TBC1D19: variants seen among roughly 807,000 people sequenced by gnomAD.
TBC1D19 encodes the protein TBC1 domain family, member 19.
Under a neutral mutation model 89.0 loss-of-function variants are expected in TBC1D19, and 60 were observed. The observed-to-expected ratio is 0.67, with a 90% CI of 0.55 to 0.84. TBC1D19 has a LOEUF of 0.84. Ranked by LOEUF, TBC1D19 falls within the 40% of genes least tolerant of loss-of-function variation. TBC1D19 has a pLI of 0.00. For missense variants in TBC1D19, 500 were observed against 610.8 expected, an observed-to-expected ratio of 0.82 and a Z score of 1.91; for synonymous variants, 189 against 199.7, an observed-to-expected ratio of 0.95 and a Z score of 0.45.
At chr4:26,740,561 A>C (rs1718300392) in intron 17 of TBC1D19, 21 of 743,426 alleles carry the variant, frequency 2.8e-5, no homozygotes, top group Non-Finnish European at 3.4e-5. Flanking sequence ...AGAATCAAGG[A>C]AAAGCATATA....
chr4:26,588,247 G>A (rs1739544684), intron 1 of TBC1D19, among the ~76,000 whole-genome samples: 1 of 151,886 alleles, frequency 6.6e-6, no homozygotes, highest in African/African-American at 2.4e-5. Context: ...GGATGGTCTC[G>A]ATCTCCTGAC....
intron 1 of TBC1D19, among the ~76,000 whole-genome samples, 174 bp downstream of exon 1, chr4:26,584,466 CA>C (rs1321957187): frequency 6.6e-6 from 1 of 151,828 alleles, no homozygotes; most frequent in Non-Finnish European, 1.5e-5. Context: ...CAAAACAAAA[CA>C]AAAAAACCCC....
chr4:26,712,650 G>A (rs1404050667), intron 13 of TBC1D19, among the ~76,000 whole-genome samples: 2 of 151,986 alleles, frequency 1.3e-5, no homozygotes, highest in Admixed American at 6.6e-5. Flanking sequence ...AAGAAAAGAG[G>A]CTTATTTGGC....
the TBC1D19 span, among the ~76,000 whole-genome samples, chr4:26,776,712 A>G: frequency 1.3e-5 from 2 of 152,200 alleles, no homozygotes; most frequent in African/African-American, 2.4e-5. Context: ...TTTTCTTGAA[A>G]GTAAGTTTAG....
At chr4:26,683,599 T>C in intron 11 of TBC1D19, 76 bp from the exon 12 acceptor site, 2 of 1,165,684 alleles carry the variant, frequency 1.7e-6, no homozygotes, top group Non-Finnish European at 2.5e-6. Flanking sequence ...TTTAGAATAC[T>C]ATTATTATTT....
At chr4:26,604,939 T>C (rs1462565881) in intron 1 of TBC1D19, among the ~76,000 whole-genome samples, 1 of 152,006 alleles carries the variant, frequency 6.6e-6, no homozygotes, top group Non-Finnish European at 1.5e-5. Flanking sequence ...TGTGCAAATA[T>C]CTGAGTGTCT....
At chr4:26,588,327 G>A (rs1391826237) in intron 1 of TBC1D19, among the ~76,000 whole-genome samples, 1 of 152,060 alleles carries the variant, frequency 6.6e-6, no homozygotes, top group Non-Finnish European at 1.5e-5. Context: ...ACCTGGCCAT[G>A]TGTTCTTTTT....
chr4:26,597,655 C>T (rs527888234), intron 1 of TBC1D19, among the ~76,000 whole-genome samples: 4 of 151,512 alleles, frequency 2.6e-5, no homozygotes, highest in Non-Finnish European at 4.4e-5. Context: ...TGAGCCACTG[C>T]GCCTGGCCTT....
intron 4 of TBC1D19, among the ~76,000 whole-genome samples, chr4:26,629,100 G>C (rs1742625084): frequency 6.6e-6 from 1 of 151,768 alleles, no homozygotes; most frequent in Admixed American, 6.6e-5. Flanking sequence ...AATCATACTT[G>C]ACCTCTTCCA....
In TBC1D19 at chr4:26,687,885, G is replaced by T. The variant is rs185087597; in HGVS notation, c.892-460G>T. 2.8e-3 allele frequency among the ~76,000 whole-genome samples: 419 copies of T among 152,228 alleles called. 2 individuals carry two copies. Among genetic ancestry groups the T allele is most frequent in the African/African-American group, 9.8e-3 (406 of 41,560 alleles). On this transcript the variant is annotated intron_variant, in intron 12 of 20. Coordinates refer to ENST00000264866, the MANE Select transcript of TBC1D19 (RefSeq NM_018317.4). The stretch of plus-strand genomic sequence containing the variant: ...CATAATACAGAAAATCAACATTCTT[G>T]CTCTCTCAGTAACAAGTGGTGACTT...
intron 1 of TBC1D19, among the ~76,000 whole-genome samples, chr4:26,592,413 CT>C (rs1739877929): frequency 6.6e-6 from 1 of 152,178 alleles, no homozygotes; most frequent in African/African-American, 2.4e-5. Context: ...GAAGCATTCC[CT>C]TTGAAAACTG....
At chr4:26,668,859 T>C (rs1049984317) in intron 9 of TBC1D19, among the ~76,000 whole-genome samples, 1 of 151,902 alleles carries the variant, frequency 6.6e-6, no homozygotes, top group African/African-American at 2.4e-5. Context: ...TGAGCTTTTA[T>C]ATAAAAGTCA....
intron 3 of TBC1D19, among the ~76,000 whole-genome samples, chr4:26,616,556 A>C (rs1454116460): frequency 6.6e-6 from 1 of 152,218 alleles, no homozygotes; most frequent in East Asian, 1.9e-4. Context: ...GAAAGTATGA[A>C]TATTCATTAG....
At chr4:26,606,257 A>G (rs1334125213) in intron 1 of TBC1D19, among the ~76,000 whole-genome samples, 1 of 152,220 alleles carries the variant, frequency 6.6e-6, no homozygotes, top group Admixed American at 6.5e-5. Flanking sequence ...AGAAACTACA[A>G]CAGTGGAGAA....
the TBC1D19 span, among the ~76,000 whole-genome samples, chr4:26,780,057 C>A: frequency 6.6e-6 from 1 of 152,132 alleles, no homozygotes; most frequent in African/African-American, 2.4e-5. Context: ...TCTGAGATGG[C>A]GAAACACTTA....
intron 11 of TBC1D19, among the ~76,000 whole-genome samples, chr4:26,680,907 A>C (rs915015544): frequency 7.2e-5 from 11 of 152,046 alleles, no homozygotes; most frequent in African/African-American, 2.4e-4. Context: ...TATTCTATTC[A>C]TTTTCCCTGA....
chr4:26,675,238 C>A (rs183510485), intron 11 of TBC1D19, among the ~76,000 whole-genome samples: 1 of 151,954 alleles, frequency 6.6e-6, no homozygotes, highest in East Asian at 1.9e-4. Flanking sequence ...TCTATCTCTT[C>A]GCAGAAGAAT....
At chr4:26,643,835 G>A (rs1015926483) in intron 7 of TBC1D19, among the ~76,000 whole-genome samples, 1 of 152,124 alleles carries the variant, frequency 6.6e-6, no homozygotes, top group Non-Finnish European at 1.5e-5. Context: ...GGAAGAAATG[G>A]ATAAATTCCT....
At chr4:26,753,754 C>A in intron 19 of TBC1D19, 66 bp from the exon 20 acceptor site, 10 of 1,573,656 alleles carry the variant, frequency 6.4e-6, no homozygotes, top group Admixed American at 1.7e-5. Flanking sequence ...TTGGGCATAG[C>A]ATAGCAGTAA....
Sources: gnomAD v4.1 joint callset for allele counts (sites outside exome capture counted in the v4.1 genomes callset) on GRCh38, gnomAD v4.1.1 for gene constraint, MANE v1.5 for transcripts, NCBI Gene and HGNC (gene_info 2026-07-23, HGNC 2026-07-21) for gene names.